The following GALNT10 variants were observed in gnomAD, a reference collection of about 807,000 sequenced individuals.
GALNT10 encodes polypeptide N-acetylgalactosaminyltransferase 10, also known as GalNAc transferase 10.
Under a neutral mutation model 75.0 loss-of-function variants are expected in GALNT10, and 41 were observed. The ratio of observed to expected loss-of-function variants is 0.55; its 90% CI spans 0.43 to 0.71. The LOEUF is 0.71. Among genes scored for constraint, GALNT10 ranks in the 30% least tolerant of loss-of-function variants. GALNT10 has a pLI of 0.00. For missense variants in GALNT10, 727 were observed against 818.5 expected, an observed-to-expected ratio of 0.89 and a Z score of 1.36; for synonymous variants, 302 against 313.0, an observed-to-expected ratio of 0.96 and a Z score of 0.37.
chr5:154,316,611 G>A (rs1581970290), intron 3 of GALNT10, among the ~76,000 whole-genome samples: 1 of 152,190 alleles, frequency 6.6e-6, no homozygotes, highest in African/African-American at 2.4e-5. Context: ...TTATTTGCTT[G>A]TCCCCCACAA....
chr5:154,353,977 G>A (rs866038257), intron 4 of GALNT10, among the ~76,000 whole-genome samples: 3 of 152,170 alleles, frequency 2.0e-5, no homozygotes, highest in Admixed American at 2.0e-4. Context: ...CAGATGCATA[G>A]CGACATCATT....
chr5:154,329,618 A>G lies in GALNT10; in HGVS notation c.448A>G (p.Ile150Val). 8 of 1,613,906 alleles carry G rather than the reference A, an allele frequency of 5.0e-6. No individual in the cohort carries two copies. Among genetic ancestry groups the G allele is most frequent in the South Asian group, 1.1e-5 (1 of 91,082 alleles). ...GGAGACACTTCCCAACACAAGCATCATCATCCCCTTCCACAACGAGGGCTG... is the reference window on the plus strand; with the variant it reads ...GGAGACACTTCCCAACACAAGCATCGTCATCCCCTTCCACAACGAGGGCTG... ...YLETLPNTSI[I>V]IPFHNEGWSS... The change falls in exon 4 of 12, where the codon ATC (isoleucine) becomes GTC (valine). Residue 150 changes from isoleucine to valine, a missense_variant. Ile to Val is a conservative substitution (Grantham distance 29, BLOSUM62 3). Transcript: ENST00000297107.
intron 4 of GALNT10, among the ~76,000 whole-genome samples, chr5:154,372,944 T>C (rs978919569): frequency 6.6e-6 from 1 of 152,192 alleles, no homozygotes; most frequent in African/African-American, 2.4e-5. Context: ...CCTCGGTGTC[T>C]ATTGGATGGC....
chr5:154,360,807 A>C (rs1027623078), intron 4 of GALNT10, among the ~76,000 whole-genome samples: 1 of 152,206 alleles, frequency 6.6e-6, no homozygotes, highest in Non-Finnish European at 1.5e-5. Context: ...AAAAAACAAT[A>C]CTATCTTGGA....
chr5:154,395,699 G>T (rs1756001192), intron 7 of GALNT10, among the ~76,000 whole-genome samples: 2 of 152,194 alleles, frequency 1.3e-5, no homozygotes, highest in African/African-American at 4.8e-5. Flanking sequence ...GCCATCTACA[G>T]AGGGGCACCA....
rs530322148 is a variant in GALNT10 at position 154,337,711 on chromosome 5, C to T, written c.568+7973C>T. On this transcript the variant is annotated intron_variant, in intron 4 of 11. Coordinates refer to ENST00000297107, the MANE Select transcript of GALNT10 (RefSeq NM_198321.4). ...CCAAATCCATTATAGCCATCCCCACCGCCACCATATCCACCACCACCATGG... is the reference window on the plus strand; with the variant it reads ...CCAAATCCATTATAGCCATCCCCACTGCCACCATATCCACCACCACCATGG... The T allele has an allele frequency of 1.9e-4, 229 of 1,208,976 alleles. 1 individual carries two copies. Among genetic ancestry groups the T allele is most frequent in the Middle Eastern group, 8.1e-4 (3 of 3,684 alleles). 74.9% of individuals were successfully genotyped at this position (1,208,976 alleles called of 1,614,324 possible).
At chr5:154,249,566 C>A (rs1446423747) in intron 1 of GALNT10, among the ~76,000 whole-genome samples, 2 of 152,116 alleles carry the variant, frequency 1.3e-5, no homozygotes, top group Non-Finnish European at 2.9e-5. Flanking sequence ...CTCCAGCCCC[C>A]CCCAGTAACT....
chr5:154,293,215 A>G (rs2113071946), intron 1 of GALNT10, among the ~76,000 whole-genome samples: 2 of 152,354 alleles, frequency 1.3e-5, no homozygotes, highest in African/African-American at 4.8e-5. Flanking sequence ...AATGTCCAGC[A>G]CACCACACAT....
chr5:154,359,198 C>CT (rs1418778215), intron 4 of GALNT10, among the ~76,000 whole-genome samples: 2 of 152,280 alleles, frequency 1.3e-5, no homozygotes, highest in Non-Finnish European at 2.9e-5. Flanking sequence ...ACGCACCCTC[C>CT]TAACCACAGC....
intron 4 of GALNT10, among the ~76,000 whole-genome samples, chr5:154,332,480 G>A (rs904387142): frequency 3.9e-5 from 6 of 152,118 alleles, no homozygotes; most frequent in South Asian, 2.1e-4. Context: ...TGGCTGGCTC[G>A]CCTCATCCCA....
chr5:154,213,374 C>T (rs1046839297), intron 1 of GALNT10, among the ~76,000 whole-genome samples: 2 of 152,196 alleles, frequency 1.3e-5, no homozygotes, highest in Non-Finnish European at 2.9e-5. Context: ...CCCAGTTTCT[C>T]TCTGTTTTAT....
chr5:154,243,904 A>T (rs1028340450), intron 1 of GALNT10, among the ~76,000 whole-genome samples: 1 of 152,300 alleles, frequency 6.6e-6, no homozygotes, highest in Non-Finnish European at 1.5e-5. Flanking sequence ...AAGGATTTAC[A>T]TTCCTGAGAT....
Position 154,230,239 on chromosome 5 carries a change from A to G in GALNT10, c.159+39214A>G, listed in dbSNP as rs114344073. On this transcript the variant is annotated intron_variant, in intron 1 of 11. Transcript: ENST00000297107. ...TACCTTATGTGATGCTCAAACTCCT[A>G]TGTCAAACCTCTCTTCAGTCCAGTT... 6.3e-3 allele frequency among the ~76,000 whole-genome samples: 962 copies of G among 152,290 alleles called. 12 individuals carry two copies. The highest frequency in any genetic ancestry group is 0.021 in the African/African-American group (870 of 41,556).
intron 3 of GALNT10, among the ~76,000 whole-genome samples, chr5:154,314,180 A>G (rs1754565676): frequency 6.6e-6 from 1 of 152,188 alleles, no homozygotes; most frequent in Admixed American, 6.5e-5. Flanking sequence ...CTTAACAGGA[A>G]GGATGTATTT....
intron 1 of GALNT10, among the ~76,000 whole-genome samples, chr5:154,250,780 A>T (rs1753505474): frequency 6.6e-6 from 1 of 152,174 alleles, no homozygotes; most frequent in East Asian, 1.9e-4. Context: ...ACATCATTTG[A>T]CTTCCACAGT....
intron 1 of GALNT10, among the ~76,000 whole-genome samples, chr5:154,283,747 C>T (rs1038930532): frequency 3.9e-5 from 6 of 152,212 alleles, no homozygotes; most frequent in Non-Finnish European, 1.5e-5. Context: ...CCCTCTCCCC[C>T]TCTTGGGGGA....
chr5:154,336,607 A>C (rs114720103), intron 4 of GALNT10, among the ~76,000 whole-genome samples: 1,717 of 152,226 alleles, frequency 0.011, 30 homozygotes, highest in African/African-American at 0.039. Flanking sequence ...TTGTATGCCT[A>C]TCTGCCATTT....
intron 7 of GALNT10, among the ~76,000 whole-genome samples, chr5:154,395,797 G>A (rs1267428973): frequency 6.6e-6 from 1 of 152,210 alleles, no homozygotes; most frequent in African/African-American, 2.4e-5. Flanking sequence ...TCCAGTACGC[G>A]GTGGCTCCCA....
At chr5:154,218,430 C>G (rs1430476277) in intron 1 of GALNT10, among the ~76,000 whole-genome samples, 1 of 152,182 alleles carries the variant, frequency 6.6e-6, no homozygotes, top group Non-Finnish European at 1.5e-5. Context: ...TTGTACCAGT[C>G]GCTCAAGCTC....
Sources: allele counts gnomAD v4.1 joint callset (sites outside exome capture counted in the v4.1 genomes callset), GRCh38; gene constraint gnomAD v4.1.1; transcripts MANE v1.5; gene names NCBI Gene and HGNC (gene_info 2026-07-23, HGNC 2026-07-21).